SEMA5A: variants seen among roughly 807,000 people sequenced by gnomAD.
SEMA5A encodes semaphorin 5A, also known as semaphorin-5A.
SEMA5A carries 55 observed loss-of-function variants against 135.5 expected under a neutral mutation model. The observed-to-expected ratio is 0.41, with a 90% CI of 0.33 to 0.51. The LOEUF is 0.51. Among genes scored for constraint, SEMA5A ranks in the 20% least tolerant of loss-of-function variants. SEMA5A has a pLI of 0.37. For synonymous variants in SEMA5A, 580 were observed against 546.5 expected, an observed-to-expected ratio of 1.06 and a Z score of -0.85; for missense variants, 1,290 against 1,419.9, an observed-to-expected ratio of 0.91 and a Z score of 1.47.
At chr5:9,484,353 C>T (rs566650451) in intron 1 of SEMA5A, among the ~76,000 whole-genome samples, 94 of 152,226 alleles carry the variant, frequency 6.2e-4, no homozygotes, top group African/African-American at 2.1e-3. Flanking sequence ...AAAGAAATTC[C>T]TTCCATGATC....
intron 5 of SEMA5A, among the ~76,000 whole-genome samples, chr5:9,243,777 G>T (rs978301405): frequency 6.6e-6 from 1 of 152,132 alleles, no homozygotes; most frequent in Admixed American, 6.6e-5. Flanking sequence ...GCAGCCCCAG[G>T]ATTGGCACTT....
At chr5:9,466,306 A>G (rs1188108720) in intron 1 of SEMA5A, among the ~76,000 whole-genome samples, 2 of 151,736 alleles carry the variant, frequency 1.3e-5, no homozygotes, top group Non-Finnish European at 1.5e-5. Context: ...CCAACATGGC[A>G]CATGTATACA....
At chr5:9,076,136 C>T (rs11958919) in intron 16 of SEMA5A, among the ~76,000 whole-genome samples, 6,137 of 143,648 alleles carry the variant, frequency 0.043, 425 homozygotes, top group African/African-American at 0.15. Flanking sequence ...ACCCGGGAAG[C>T]GGAGATTGCA....
chr5:9,407,598 T>A (rs1377109975), intron 2 of SEMA5A, among the ~76,000 whole-genome samples: 1 of 152,214 alleles, frequency 6.6e-6, no homozygotes, highest in Admixed American at 6.5e-5. Context: ...CTGCATTTGC[T>A]TTGCTTTGCT....
chr5:9,420,442 G>C (rs1757425521), intron 2 of SEMA5A, among the ~76,000 whole-genome samples: 1 of 152,166 alleles, frequency 6.6e-6, no homozygotes, highest in Non-Finnish European at 1.5e-5. Context: ...ATGCTGGAGA[G>C]AAGGGGAAAT....
At chr5:9,290,242 C>T (rs1010186591) in intron 5 of SEMA5A, among the ~76,000 whole-genome samples, 18 of 152,064 alleles carry the variant, frequency 1.2e-4, no homozygotes, top group East Asian at 1.2e-3. Context: ...TCCATTGTAT[C>T]GTTCTTATGC....
intron 2 of SEMA5A, among the ~76,000 whole-genome samples, chr5:9,429,297 G>C (rs1016572354): frequency 1.3e-5 from 2 of 151,930 alleles, no homozygotes; most frequent in Admixed American, 1.3e-4. Context: ...TTAGAAATAG[G>C]GTATTACTCA....
At chr5:9,535,870 G>A (rs1275025842) in intron 1 of SEMA5A, among the ~76,000 whole-genome samples, 1 of 152,192 alleles carries the variant, frequency 6.6e-6, no homozygotes. Flanking sequence ...CCAAGCTCAA[G>A]AGCACCGTCC....
In SEMA5A at chr5:9,038,171, C is replaced by A. The variant is rs1735756029; in HGVS notation, c.*4726G>T. 1 of 152,160 alleles carries A rather than the reference C, an allele frequency of 6.6e-6. No homozygotes were observed. The highest frequency in any genetic ancestry group is 1.5e-5 in the Non-Finnish European group (1 of 68,036). The allele number at this position is 152,160 out of a possible 1,614,324, so 9.4% of individuals were successfully genotyped here. A position where few individuals can be genotyped will look rare whatever the true frequency, so the allele number is the denominator to read the frequency against. ...CAAGGCCAAGGCCATCTGTAAACTC[C>A]AGTTTGTACCATATCATAAGTGGTG... On this transcript the variant is annotated 3_prime_UTR_variant, in exon 23 of 23. Transcript: ENST00000382496.
At chr5:9,335,987 A>G (rs1753372563) in intron 4 of SEMA5A, among the ~76,000 whole-genome samples, 1 of 151,988 alleles carries the variant, frequency 6.6e-6, no homozygotes, top group Non-Finnish European at 1.5e-5. Context: ...TTGTACATTA[A>G]GTGCAGTTAA....
chr5:9,177,459 A>G (rs1251151463), intron 11 of SEMA5A, among the ~76,000 whole-genome samples: 1 of 152,236 alleles, frequency 6.6e-6, no homozygotes, highest in African/African-American at 2.4e-5. Flanking sequence ...TTCCTGACAT[A>G]GCCTCATCTG....
At position 9,136,525 on chromosome 5, in the gene SEMA5A, T is replaced by C. The variant is rs1291726326; in HGVS notation, c.1578A>G (p.Glu526=). ...TCACCGGACACGCAGAGATGCTCTGTTCCCACTGCGTCATGCTCAGGCTCT... is the reference window on the plus strand; with the variant it reads ...TCACCGGACACGCAGAGATGCTCTGCTCCCACTGCGTCATGCTCAGGCTCT... ...LEESLSMTQW[E]QSISACPTRN... The change falls in exon 13 of 23, where the codon GAA becomes GAG. Residue 526 remains glutamate (E), a synonymous_variant. Transcript: ENST00000382496. The C allele has an allele frequency of 2.5e-6, 4 of 1,613,868 alleles. No homozygotes were observed. Among genetic ancestry groups the C allele is most frequent in the Non-Finnish European group, 1.7e-6 (2 of 1,179,856 alleles).
At chr5:9,097,973 G>A (rs559028010) in intron 16 of SEMA5A, among the ~76,000 whole-genome samples, 1 of 152,278 alleles carries the variant, frequency 6.6e-6, no homozygotes, top group East Asian at 1.9e-4. Flanking sequence ...GCTGAGTGTG[G>A]TGGCTCATGG....
intron 1 of SEMA5A, among the ~76,000 whole-genome samples, chr5:9,454,917 CTCAGAT>C (rs1183071122): frequency 4.6e-5 from 7 of 152,296 alleles, no homozygotes; most frequent in African/African-American, 1.7e-4. Context: ...GACATGTGTT[CTCAGAT>C]TCAGAGATGT....
intron 15 of SEMA5A, among the ~76,000 whole-genome samples, chr5:9,115,773 G>C (rs933702285): frequency 1.3e-5 from 2 of 152,180 alleles, no homozygotes; most frequent in African/African-American, 4.8e-5. Flanking sequence ...GGTGGCCCTA[G>C]TGAGCTCTGC....
chr5:9,200,569 A>G (rs999608929), intron 9 of SEMA5A, among the ~76,000 whole-genome samples: 15 of 152,240 alleles, frequency 9.9e-5, no homozygotes, highest in African/African-American at 3.6e-4. Context: ...GAGAAGAAAT[A>G]ATCTCTGGGT....
chr5:9,408,632 C>G (rs910655339), intron 2 of SEMA5A, among the ~76,000 whole-genome samples: 2 of 152,108 alleles, frequency 1.3e-5, no homozygotes, highest in Non-Finnish European at 2.9e-5. Flanking sequence ...GTTGATTTAT[C>G]CTCATAACAG....
chr5:9,364,313 A>G (rs1351864887), intron 3 of SEMA5A, among the ~76,000 whole-genome samples: 1 of 152,246 alleles, frequency 6.6e-6, no homozygotes, highest in African/African-American at 2.4e-5. Context: ...AATGGTGTGA[A>G]TAATGCCTTT....
chr5:9,045,710 A>G (rs908351380), intron 21 of SEMA5A: 4 of 152,212 alleles, frequency 2.6e-5, no homozygotes, highest in African/African-American at 9.7e-5. Flanking sequence ...TAAATGAACA[A>G]AATATGATAT....
Sources: allele counts gnomAD v4.1 joint callset (sites outside exome capture counted in the v4.1 genomes callset), GRCh38; gene constraint gnomAD v4.1.1; transcripts MANE v1.5; gene names NCBI Gene and HGNC (gene_info 2026-07-23, HGNC 2026-07-21).